Variants in SDCCAG8 observed in about 807,000 individuals in gnomAD.
The protein encoded by SDCCAG8 is SHH signaling and ciliogenesis regulator SDCCAG8, also known as serologically defined colon cancer antigen 8.
SDCCAG8 carries 74 observed loss-of-function variants against 101.8 expected under a neutral mutation model. That is an observed-to-expected ratio of 0.73 (90% confidence interval 0.60 to 0.88). The LOEUF is 0.88. Among genes scored for constraint, SDCCAG8 ranks in the 40% least tolerant of loss-of-function variants. The pLI, the probability that SDCCAG8 is intolerant of heterozygous loss-of-function variation, is 0.00. For synonymous variants in SDCCAG8, 281 were observed against 292.9 expected, an observed-to-expected ratio of 0.96 and a Z score of 0.41; for missense variants, 787 against 822.6, an observed-to-expected ratio of 0.96 and a Z score of 0.53.
rs533377940 is a variant in SDCCAG8, at chr1:243,469,865, T to A, written c.1986-19149T>A. On this transcript the variant is annotated intron_variant, in intron 16 of 17. Transcript: ENST00000366541. ...TTTTTTTTTTTTAGTCTTCTAAGCCTCAGTCTCCTCATCTATTAAACTGGA... is the reference window on the plus strand; with the variant it reads ...TTTTTTTTTTTTAGTCTTCTAAGCCACAGTCTCCTCATCTATTAAACTGGA... Among the ~76,000 whole-genome samples, 472 of 140,700 alleles carry A rather than the reference T, an allele frequency of 3.4e-3. 2 individuals carry two copies. The highest frequency in any genetic ancestry group is 0.012 in the African/African-American group (424 of 35,480). 92.3% of individuals were successfully genotyped at this position (140,700 alleles called of 152,430 possible).
At chr1:243,297,088 A>G (rs1368773967) in intron 6 of SDCCAG8, among the ~76,000 whole-genome samples, 2 of 152,222 alleles carry the variant, frequency 1.3e-5, no homozygotes, top group Non-Finnish European at 2.9e-5. Flanking sequence ...CCTTCATGCC[A>G]TTAAAGCTAA....
At chr1:243,452,287 C>T (rs10803143) in intron 16 of SDCCAG8, among the ~76,000 whole-genome samples, 41,234 of 152,036 alleles carry the variant, frequency 0.27, 5,926 homozygotes, top group African/African-American at 0.34. Flanking sequence ...ACAGGCTCAG[C>T]TGGGGTTTTT....
chr1:243,329,311 T>C lies in SDCCAG8; in HGVS notation c.1069-1229T>C, dbSNP rs984709509. On this transcript the variant is annotated intron_variant, in intron 9 of 17. Transcript: ENST00000366541. ...CCTTTATATTTTATGCCTGGGAGCATAGAAACTTTTCAGAAGAGACCAAAA... is the reference window on the plus strand; with the variant it reads ...CCTTTATATTTTATGCCTGGGAGCACAGAAACTTTTCAGAAGAGACCAAAA... Among the ~76,000 whole-genome samples, 4 of 152,170 alleles carry C rather than the reference T, an allele frequency of 2.6e-5. No homozygotes were observed. The South Asian group carries it at 8.3e-4, about 32-fold the overall frequency.
Position 243,435,844 on chromosome 1 carries a change from G to A in SDCCAG8, c.1985+9286G>A, listed in dbSNP as rs76645000. ...TCTATCTAGTTGCTTCTTTACAATC[G>A]TATTTTCAGCATAGTTAGGAATAAG... On this transcript the variant is annotated intron_variant, in intron 16 of 17. Transcript: ENST00000366541. Among the ~76,000 whole-genome samples the A allele has an allele frequency of 6.3e-3, 961 of 151,810 alleles. 11 individuals are homozygous for A. Among genetic ancestry groups the A allele is most frequent in the Non-Finnish European group, 8.1e-3 (552 of 67,936 alleles).
At chr1:243,405,964 T>A (rs1043875573) in intron 13 of SDCCAG8, among the ~76,000 whole-genome samples, 1 of 152,122 alleles carries the variant, frequency 6.6e-6, no homozygotes, top group Non-Finnish European at 1.5e-5. Flanking sequence ...GAAACTGTTA[T>A]GCTACAATTT....
intron 11 of SDCCAG8, among the ~76,000 whole-genome samples, chr1:243,343,805 G>C (rs996766132): frequency 1.3e-5 from 2 of 152,082 alleles, no homozygotes; most frequent in African/African-American, 4.8e-5. Context: ...GTCTTTAAAA[G>C]AAAACTTTGT....
chr1:243,297,893 CT>C (rs1407905414), intron 6 of SDCCAG8, among the ~76,000 whole-genome samples: 1 of 152,090 alleles, frequency 6.6e-6, no homozygotes, highest in Non-Finnish European at 1.5e-5. Context: ...GCTTGTAACT[CT>C]CTTGATAGTT....
intron 13 of SDCCAG8, among the ~76,000 whole-genome samples, chr1:243,415,011 A>C (rs191438800): frequency 1.3e-3 from 195 of 152,202 alleles, no homozygotes; most frequent in African/African-American, 4.1e-3. Flanking sequence ...ACCCAGTGGG[A>C]TAGGTCAGTG....
At chr1:243,396,140 A>G (rs995608492) in intron 13 of SDCCAG8, among the ~76,000 whole-genome samples, 6 of 152,176 alleles carry the variant, frequency 3.9e-5, no homozygotes, top group African/African-American at 7.2e-5. Context: ...AAAGAATATG[A>G]TATCTAAAAT....
At chr1:243,387,100 G>T (rs1409058738) in intron 13 of SDCCAG8, among the ~76,000 whole-genome samples, 1 of 152,198 alleles carries the variant, frequency 6.6e-6, no homozygotes, top group African/African-American at 2.4e-5. Context: ...GCCAGGGGCG[G>T]TGGCTTATGC....
intron 12 of SDCCAG8, among the ~76,000 whole-genome samples, chr1:243,375,640 A>T (rs1228644829): frequency 6.6e-6 from 1 of 152,168 alleles, no homozygotes; most frequent in Non-Finnish European, 1.5e-5. Flanking sequence ...GTTAGCCAAA[A>T]GATGGCCACA....
At chr1:243,311,543 A>G (rs1057085125) in intron 8 of SDCCAG8, among the ~76,000 whole-genome samples, 2 of 152,212 alleles carry the variant, frequency 1.3e-5, no homozygotes, top group African/African-American at 4.8e-5. Context: ...AATATAATTT[A>G]AAAATTAATT....
rs2081369985 is a variant in SDCCAG8, at chr1:243,426,769, T to C, written c.1985+211T>C. Among the ~76,000 whole-genome samples, 5 of 152,270 alleles carry C rather than the reference T, an allele frequency of 3.3e-5. No homozygotes were observed. The South Asian group carries it at 1.0e-3, about 31-fold the overall frequency. ...AAGAGGAGAGTACATCCTCTTTTTG[T>C]TATTCTCTGAAGACATAGAATTAGA... On this transcript the variant is annotated intron_variant, in intron 16 of 17. Transcript: ENST00000366541.
intron 16 of SDCCAG8, among the ~76,000 whole-genome samples, chr1:243,435,148 C>A (rs968766496): frequency 2.6e-5 from 4 of 152,206 alleles, no homozygotes; most frequent in Non-Finnish European, 5.9e-5. Context: ...CCTTCAAGAT[C>A]TAGTCCTTTG....
chr1:243,450,175 A>T (rs549262756), intron 16 of SDCCAG8, among the ~76,000 whole-genome samples: 4 of 152,340 alleles, frequency 2.6e-5, no homozygotes, highest in Non-Finnish European at 5.9e-5. Context: ...GAGGTCTTCA[A>T]TGTGAACCAT....
At chr1:243,459,250 A>T (rs1375178848) in intron 16 of SDCCAG8, among the ~76,000 whole-genome samples, 1 of 152,112 alleles carries the variant, frequency 6.6e-6, no homozygotes, top group African/African-American at 2.4e-5. Flanking sequence ...CGGAGGGAGG[A>T]AGTGTGGCCA....
chr1:243,496,856 A>G (rs1244526127), intron 17 of SDCCAG8, among the ~76,000 whole-genome samples: 1 of 152,216 alleles, frequency 6.6e-6, no homozygotes, highest in East Asian at 1.9e-4. Context: ...TTAAAATGAG[A>G]ACAAAGAAAA....
At chr1:243,389,505 C>G (rs2078565463) in intron 13 of SDCCAG8, among the ~76,000 whole-genome samples, 1 of 152,166 alleles carries the variant, frequency 6.6e-6, no homozygotes, top group Non-Finnish European at 1.5e-5. Context: ...CCGGAATCTA[C>G]AGAAGTATTT....
intron 13 of SDCCAG8, among the ~76,000 whole-genome samples, chr1:243,403,774 A>G (rs998737571): frequency 1.3e-5 from 2 of 152,196 alleles, no homozygotes; most frequent in Non-Finnish European, 2.9e-5. Flanking sequence ...GGAACTGTCT[A>G]GTTGCAGGAA....
Sources: gnomAD v4.1 joint callset for allele counts (sites outside exome capture counted in the v4.1 genomes callset) on GRCh38, gnomAD v4.1.1 for gene constraint, MANE v1.5 for transcripts, NCBI Gene and HGNC (gene_info 2026-07-23, HGNC 2026-07-21) for gene names.